LAYN: variants seen among roughly 807,000 people sequenced by gnomAD.
LAYN encodes layilin.
In LAYN, 38 loss-of-function variants were observed where a neutral mutation model predicts 43.6. The ratio of observed to expected loss-of-function variants is 0.87; its 90% confidence interval spans 0.67 to 1.14. LAYN has a LOEUF of 1.14. Among genes scored for constraint, LAYN ranks in the 50% most tolerant of loss-of-function variants. The pLI, the probability that LAYN is intolerant of heterozygous loss-of-function variation, is 0.00. For missense variants in LAYN, 479 were observed against 463.8 expected, an observed-to-expected ratio of 1.03 and a Z score of -0.30; for synonymous variants, 168 against 172.9, an observed-to-expected ratio of 0.97 and a Z score of 0.22.
chr11:111,550,459 T>C (rs1042219700), intron 3 of LAYN, among the ~76,000 whole-genome samples: 1 of 152,232 alleles, frequency 6.6e-6, no homozygotes, highest in African/African-American at 2.4e-5. Flanking sequence ...GCCCTTGAAG[T>C]TTCTCACTTC....
At chr11:111,547,751 G>A (rs1266951531) in intron 2 of LAYN, among the ~76,000 whole-genome samples, 1 of 152,176 alleles carries the variant, frequency 6.6e-6, no homozygotes, top group Non-Finnish European at 1.5e-5. Flanking sequence ...GATGCAATGG[G>A]GAACACCACT....
intron 1 of LAYN, among the ~76,000 whole-genome samples, chr11:111,542,974 T>C (rs1312651810): frequency 1.3e-5 from 2 of 152,244 alleles, no homozygotes; most frequent in South Asian, 2.1e-4. Flanking sequence ...CGATTTGTTA[T>C]TGGCTCCTCA....
In LAYN at chr11:111,560,363, G is replaced by T. The variant is rs1452988500; in HGVS notation, c.1030G>T (p.Gly344Ter). 1 of 1,614,104 alleles carries T rather than the reference G, an allele frequency of 6.2e-7. No homozygotes were observed. The highest frequency in any genetic ancestry group is 1.1e-5 in the South Asian group (1 of 91,074). The change falls in exon 7 of 7, where the codon GGA (glycine) becomes TGA (stop). Residue 344 changes from glycine (G) to a stop codon, truncating the protein, a stop_gained. Coordinates refer to ENST00000375614, the MANE Select transcript of LAYN (RefSeq NM_178834.5). LOFTEE classifies it high-confidence loss of function. ...GFVTLVSVES[G>*]FVTNDIYEFS... ...TGTGACTCTGGTGAGCGTGGAGAGTGGATTTGTGACCAATGACATTTATGA... is the reference window on the plus strand; with the variant it reads ...TGTGACTCTGGTGAGCGTGGAGAGTTGATTTGTGACCAATGACATTTATGA...
chr11:111,549,290 A>G (rs914130697), intron 2 of LAYN, among the ~76,000 whole-genome samples: 2 of 152,224 alleles, frequency 1.3e-5, no homozygotes, highest in Non-Finnish European at 2.9e-5. Context: ...AACAAACCCA[A>G]TTAGCAAAAA....
At position 111,558,777 on chromosome 11, in the gene LAYN, T is replaced by TAAAA. The variant is rs61161767; in HGVS notation, c.761+1138_761+1141dup. 6.0e-3 allele frequency among the ~76,000 whole-genome samples: 859 copies of TAAAA among 142,542 alleles called. 10 individuals carry two copies. Among genetic ancestry groups the TAAAA allele is most frequent in the Middle Eastern group, 0.018 (5 of 278 alleles). 93.5% of individuals were successfully genotyped at this position (142,542 alleles called of 152,430 possible). On this transcript the variant is annotated intron_variant, in intron 6 of 6. Coordinates refer to ENST00000375614, the MANE Select transcript of LAYN (RefSeq NM_178834.5). Reference sequence around the variant, plus strand: ...ATTTTATTTTATTTATTATTTTATTTAAAAAAATATATATATATATATATA... The same window carrying TAAAA: ...ATTTTATTTTATTTATTATTTTATTTAAAAAAAAAAATATATATATATATATATA...
chr11:111,554,430 G>A, intron 3 of LAYN, 131 bp from the exon 4 acceptor site: 2 of 734,354 alleles, frequency 2.7e-6, no homozygotes, highest in South Asian at 1.6e-5. Flanking sequence ...CCTGATATCT[G>A]ATAACAACAA....
chr11:111,559,434 GTTTTATTTTATTTTATTTTATTA>G (rs1434287092), intron 6 of LAYN, among the ~76,000 whole-genome samples: 4 of 151,446 alleles, frequency 2.6e-5, no homozygotes, highest in South Asian at 2.1e-4. Flanking sequence ...TGTTGTTTTG[GTTTTATTTTATTTTATTTTATTA>G]TTTTATTTTA....
chr11:111,559,591 T>G (rs936011087), intron 6 of LAYN, among the ~76,000 whole-genome samples: 4 of 152,018 alleles, frequency 2.6e-5, no homozygotes, highest in Non-Finnish European at 5.9e-5. Flanking sequence ...CCCAACTAGC[T>G]GGGACTGCAG....
rs1411433171 is a variant in LAYN, at chr11:111,540,917, G to A, written c.74G>A (p.Arg25His). 2 of 1,531,898 alleles carry A rather than the reference G, an allele frequency of 1.3e-6. No individual in the cohort carries two copies. Among genetic ancestry groups the A allele is most frequent in the Admixed American group, 2.0e-5 (1 of 50,874 alleles). 94.9% of individuals were successfully genotyped at this position (1,531,898 alleles called of 1,614,324 possible). Residue 25 changes from arginine to histidine, a missense_variant, in exon 1 of 7, where the codon CGC (arginine) becomes CAC (histidine). Physicochemically the swap from Arg to His is conservative, Grantham distance 29 (BLOSUM62 0). Coordinates refer to ENST00000375614, the MANE Select transcript of LAYN (RefSeq NM_178834.5). ...GTGGGGCTGCGGGCCGCGACGGGTCGCCTGCTGAGTGGTGAGTGCGCGCGC... is the reference window on the plus strand; with the variant it reads ...GTGGGGCTGCGGGCCGCGACGGGTCACCTGCTGAGTGGTGAGTGCGCGCGC... Reference protein sequence around the residue: ...LLVGLRAATGRLLSGQPVCRG... With the variant: ...LLVGLRAATGHLLSGQPVCRG...
intron 1 of LAYN, chr11:111,541,500 C>T (rs762601333): frequency 6.7e-7 from 1 of 1,488,572 alleles, no homozygotes; most frequent in Admixed American, 2.0e-5. Flanking sequence ...TAGTGTGGGA[C>T]GAGCCCCACC....
At chr11:111,550,420 A>G (rs1241672126) in intron 3 of LAYN, among the ~76,000 whole-genome samples, 1 of 152,196 alleles carries the variant, frequency 6.6e-6, no homozygotes, top group Non-Finnish European at 1.5e-5. Context: ...TATAACTGAC[A>G]GATTTGAATT....
intron 1 of LAYN, chr11:111,541,519 G>T (rs1220645669): frequency 6.5e-7 from 1 of 1,532,632 alleles, no homozygotes; most frequent in African/African-American, 1.4e-5. Context: ...CCTGACTCCG[G>T]GGAATGACTC....
chr11:111,547,391 G>A (rs1867666687), intron 2 of LAYN, among the ~76,000 whole-genome samples: 1 of 152,156 alleles, frequency 6.6e-6, no homozygotes, highest in Admixed American at 6.5e-5. Context: ...CATATAGTAG[G>A]TCAGTGTGAT....
chr11:111,547,681 A>G (rs562702802), intron 2 of LAYN, among the ~76,000 whole-genome samples: 16 of 152,324 alleles, frequency 1.1e-4, no homozygotes, highest in Admixed American at 2.6e-4. Context: ...GTGCTACTCT[A>G]TTATCACCTT....
At chr11:111,556,406 T>C (rs891791375) in intron 5 of LAYN, among the ~76,000 whole-genome samples, 1 of 152,194 alleles carries the variant, frequency 6.6e-6, no homozygotes, top group Non-Finnish European at 1.5e-5. Flanking sequence ...CTGCTATCAC[T>C]AGGCTCAAAG....
Position 111,554,584 on chromosome 11 carries a change from G to A in LAYN, c.565G>A (p.Glu189Lys). 1 of 1,613,144 alleles carries A rather than the reference G, an allele frequency of 6.2e-7. No individual in the cohort carries two copies. The highest frequency in any genetic ancestry group is 1.1e-5 in the South Asian group (1 of 91,056). Residue 189 changes from glutamate (E) to lysine (K), a missense_variant, in exon 4 of 7, where the codon GAA becomes AAA. Transcript: ENST00000375614. ...SDEKPAVPSR[E>K]AEGEETELTT... The stretch of plus-strand genomic sequence containing the variant: ...AGAGAAACCAGCAGTTCCTTCTAGA[G>A]AAGCTGAAGGTAAGCCTGTTACTTG...
chr11:111,541,378 T>C, intron 1 of LAYN: 1 of 636,840 alleles, frequency 1.6e-6, no homozygotes, highest in South Asian at 1.8e-5. Flanking sequence ...GGATGCTGGA[T>C]CCCCGGTGCC....
chr11:111,555,254 G>A lies in LAYN; in HGVS notation c.622G>A (p.Glu208Lys), dbSNP rs199779220. 1.2e-5 allele frequency: 19 copies of A among 1,613,754 alleles called. No individual in the cohort carries two copies. The African/African-American group carries it at 1.7e-4, about 15-fold the overall frequency. The change falls in exon 5 of 7, where the codon GAA becomes AAA. Residue 208 changes from glutamate (E) to lysine (K), a missense_variant. Transcript: ENST00000375614. ...ACCTGTACTTCCAGAAGAAACACAG[G>A]AAGAAGATGCCAAAAAAACATTTAA... ...TTPVLPEETQ[E>K]EDAKKTFKES...
intron 6 of LAYN, among the ~76,000 whole-genome samples, chr11:111,558,579 C>T (rs1359143911): frequency 2.0e-5 from 3 of 151,946 alleles, no homozygotes; most frequent in Non-Finnish European, 4.4e-5. Context: ...CAGCTGCCTA[C>T]TCTGCCTACT....
Sources: allele counts gnomAD v4.1 joint callset (sites outside exome capture counted in the v4.1 genomes callset), GRCh38; gene constraint gnomAD v4.1.1; transcripts MANE v1.5; gene names NCBI Gene and HGNC (gene_info 2026-07-23, HGNC 2026-07-21).